ATP10A: variants seen among roughly 807,000 people sequenced by gnomAD.
ATP10A encodes the protein ATPase phospholipid transporting 10A (putative).
In ATP10A, 111 loss-of-function variants were observed where a neutral mutation model predicts 147.8. That is an observed-to-expected ratio of 0.75 (90% CI 0.64 to 0.88). ATP10A has a LOEUF of 0.88. Among genes scored for constraint, ATP10A ranks in the 40% least tolerant of loss-of-function variants. ATP10A has a pLI of 0.00. For synonymous variants in ATP10A, 875 were observed against 841.6 expected (o/e 1.04, Z -0.69); for missense variants, 1,927 against 1,959.0 (o/e 0.98, Z 0.31).
chr15:25,732,802 G>A (rs941682204), intron 3 of ATP10A, among the ~76,000 whole-genome samples: 3 of 151,676 alleles, frequency 2.0e-5, no homozygotes, highest in East Asian at 1.9e-4. Flanking sequence ...TGATCTGCCC[G>A]CCCCGGCCTC....
rs144862545 is a variant in ATP10A at position 25,781,208 on chromosome 15, G to A, written c.465C>T (p.Tyr155=). The change falls in exon 2 of 21, where the codon TAC becomes TAT. Residue 155 remains tyrosine (Y), a synonymous_variant. Transcript: ENST00000555815. ...GGATTTCTTTCCAGAATCGGTTCAC[G>A]TATTTCTTTTCTTCCCTAGAAAACA... ...CLVFSREEKK[Y]VNRFWKEIHV... 2.7e-5 allele frequency: 43 copies of A among 1,613,628 alleles called. No homozygotes were observed. Among genetic ancestry groups the A allele is most frequent in the African/African-American group, 2.5e-4 (19 of 75,040 alleles).
In ATP10A at chr15:25,718,178, T is replaced by C; in HGVS notation, c.1581+4A>G. On this transcript the variant is annotated splice_donor_region_variant and intron_variant, in intron 8 of 20. Transcript: ENST00000555815. ...CACCCTAGCAGGAGGCCCTGTACAC[T>C]CACCATGGGGCTGCTGAAGGCCGTG... The C allele has an allele frequency of 6.2e-7, 1 of 1,612,080 alleles. No homozygotes were observed. Among genetic ancestry groups the C allele is most frequent in the South Asian group, 1.1e-5 (1 of 91,002 alleles).
chr15:25,854,378 A>G (rs7178849), intron 1 of ATP10A, among the ~76,000 whole-genome samples: 8,913 of 149,924 alleles, frequency 0.059, 694 homozygotes, highest in African/African-American at 0.17. Context: ...ACAAATCAAT[A>G]AGAAAGAAAA....
intron 1 of ATP10A, among the ~76,000 whole-genome samples, chr15:25,793,617 C>A (rs143815760): frequency 0.015 from 2,361 of 152,328 alleles, 31 homozygotes; most frequent in Middle Eastern, 0.038. Context: ...GCAGCCAGGA[C>A]CCTGCGGATG....
At chr15:25,756,866 A>G (rs1406355070) in intron 2 of ATP10A, among the ~76,000 whole-genome samples, 1 of 152,228 alleles carries the variant, frequency 6.6e-6, no homozygotes, top group East Asian at 1.9e-4. Flanking sequence ...TTAGGTGCTG[A>G]CTAACATTTG....
At chr15:25,691,932 G>A (rs191866041) in intron 14 of ATP10A, 141 bp from the exon 15 acceptor site, 8 of 893,656 alleles carry the variant, frequency 9.0e-6, no homozygotes, top group Non-Finnish European at 1.5e-5. Flanking sequence ...AAAAGGAGTA[G>A]AGCATCCACC....
intron 14 of ATP10A, among the ~76,000 whole-genome samples, chr15:25,694,047 G>A (rs1399794907): frequency 6.6e-6 from 1 of 151,906 alleles, no homozygotes; most frequent in Non-Finnish European, 1.5e-5. Context: ...TGGGGGTCAC[G>A]GCCACTGCTT....
chr15:25,719,373 A>G (rs892231688), intron 7 of ATP10A, among the ~76,000 whole-genome samples: 1 of 152,204 alleles, frequency 6.6e-6, no homozygotes, highest in African/African-American at 2.4e-5. Flanking sequence ...AGTACTTGCC[A>G]ATGCCAGGAT....
At position 25,853,991 on chromosome 15, in the gene ATP10A, T is replaced by C. The variant is rs79036909; in HGVS notation, c.449+8657A>G. Among the ~76,000 whole-genome samples the C allele has an allele frequency of 2.7e-3, 407 of 151,154 alleles. 2 individuals are homozygous for C. The highest frequency in any genetic ancestry group is 2.2e-3 in the Non-Finnish European group (149 of 67,894). On this transcript the variant is annotated intron_variant, in intron 1 of 20. Transcript: ENST00000555815. ...AGACTCAGGAGACAACTTGATTGGT[T>C]CCTACTGACCAAAGAAATCAATTAC...
At chr15:25,725,643 T>C (rs1369833553) in intron 5 of ATP10A, among the ~76,000 whole-genome samples, 1 of 151,788 alleles carries the variant, frequency 6.6e-6, no homozygotes, top group Non-Finnish European at 1.5e-5. Context: ...TCTTTCTTTT[T>C]TTTTTTTTGG....
At chr15:25,763,128 A>G (rs1310039577) in intron 2 of ATP10A, among the ~76,000 whole-genome samples, 1 of 152,222 alleles carries the variant, frequency 6.6e-6, no homozygotes, top group Non-Finnish European at 1.5e-5. Context: ...CAACTTAGGG[A>G]AAGGGAAGCT....
chr15:25,771,564 T>C (rs1889336875), intron 2 of ATP10A, among the ~76,000 whole-genome samples: 1 of 152,164 alleles, frequency 6.6e-6, no homozygotes, highest in Non-Finnish European at 1.5e-5. Context: ...CAGAGATGTC[T>C]GCATAATTGA....
chr15:25,692,706 A>G (rs1279446419), intron 14 of ATP10A, among the ~76,000 whole-genome samples: 1 of 152,232 alleles, frequency 6.6e-6, no homozygotes, highest in Admixed American at 6.5e-5. Flanking sequence ...ATACGGTAAA[A>G]CATGAGATAT....
chr15:25,829,473 C>A (rs1400579774), intron 1 of ATP10A, among the ~76,000 whole-genome samples: 1 of 151,902 alleles, frequency 6.6e-6, no homozygotes, highest in Non-Finnish European at 1.5e-5. Flanking sequence ...ATTTTTTTTT[C>A]TTGAGCAGGA....
chr15:25,797,169 T>A (rs1890709709), intron 1 of ATP10A, among the ~76,000 whole-genome samples: 1 of 152,174 alleles, frequency 6.6e-6, no homozygotes, highest in Non-Finnish European at 1.5e-5. Flanking sequence ...ACTCTGCTTC[T>A]ATGAATTCAA....
At position 25,839,711 on chromosome 15, in the gene ATP10A, C is replaced by G. The variant is rs1259153911; in HGVS notation, c.449+22937G>C. Among the ~76,000 whole-genome samples the G allele has an allele frequency of 3.3e-5, 5 of 152,128 alleles. No homozygotes were observed. The East Asian group carries it at 9.6e-4, about 29-fold the overall frequency. On this transcript the variant is annotated intron_variant, in intron 1 of 20. Transcript: ENST00000555815. ...TGCTGACTCCTTACCATTAATAACT[C>G]AATGGTCATATTTTAAGCTTTTTAT...
At chr15:25,702,222 G>A in intron 12 of ATP10A, 122 bp from the exon 13 acceptor site, 3 of 1,042,354 alleles carry the variant, frequency 2.9e-6, no homozygotes, top group Non-Finnish European at 4.1e-6. Flanking sequence ...CCTGTTGCCT[G>A]GGCCTTGCCA....
intron 12 of ATP10A, among the ~76,000 whole-genome samples, chr15:25,706,737 A>T (rs116226137): frequency 6.6e-6 from 1 of 152,210 alleles, no homozygotes; most frequent in Non-Finnish European, 1.5e-5. Context: ...CGGAGGGCCA[A>T]TTTCACTCCA....
intron 2 of ATP10A, among the ~76,000 whole-genome samples, chr15:25,743,962 T>C (rs1465311387): frequency 2.0e-5 from 3 of 152,114 alleles, no homozygotes; most frequent in Non-Finnish European, 4.4e-5. Context: ...CTATGTAGCA[T>C]AACATATCCA....
Sources: gnomAD v4.1 joint callset for allele counts (sites outside exome capture counted in the v4.1 genomes callset) on GRCh38, gnomAD v4.1.1 for gene constraint, MANE v1.5 for transcripts, NCBI Gene and HGNC (gene_info 2026-07-23, HGNC 2026-07-21) for gene names.